The following KMT2C variants were observed in gnomAD, a reference collection of about 807,000 sequenced individuals.
KMT2C encodes histone-lysine N-methyltransferase 2C.
KMT2C carries 88 observed loss-of-function variants against 507.9 expected under a neutral mutation model. The ratio of observed to expected loss-of-function variants is 0.17; its 90% CI spans 0.15 to 0.21. The LOEUF is 0.21. KMT2C is among the 10% of genes least tolerant of loss of function. KMT2C has a pLI of 1.00. For synonymous variants in KMT2C, 2,049 were observed against 2,080.8 expected (o/e 0.98, Z 0.42); for missense variants, 4,954 against 5,957.8 (o/e 0.83, Z 5.55).
intron 42 of KMT2C, 147 bp from the exon 43 acceptor site, chr7:152,163,973 C>T (rs547776556): frequency 1.5e-6 from 1 of 670,180 alleles, no homozygotes; most frequent in East Asian, 2.8e-5. Flanking sequence ...CTGCAAAAGT[C>T]ACAAAAAAAT....
At chr7:152,393,504 G>C (rs928474741) in intron 1 of KMT2C, among the ~76,000 whole-genome samples, 28 of 152,110 alleles carry the variant, frequency 1.8e-4, no homozygotes, top group African/African-American at 6.3e-4. Flanking sequence ...CTCACAACCT[G>C]TTCCTTACAG....
intron 3 of KMT2C, among the ~76,000 whole-genome samples, chr7:152,318,646 AAAT>A (rs1480172222): frequency 9.3e-4 from 140 of 149,780 alleles, no homozygotes; most frequent in African/African-American, 3.2e-3. Context: ...AAAAAAAAAA[AAAT>A]AGGTGCAAAA....
chr7:152,242,803 A>G (rs1456750493), intron 14 of KMT2C, among the ~76,000 whole-genome samples: 4 of 152,186 alleles, frequency 2.6e-5, no homozygotes, highest in Non-Finnish European at 5.9e-5. Flanking sequence ...CAAGAGTACT[A>G]TCAGTTTTAA....
At chr7:152,309,267 A>G (rs2096648194) in intron 6 of KMT2C, among the ~76,000 whole-genome samples, 1 of 151,916 alleles carries the variant, frequency 6.6e-6, no homozygotes, top group South Asian at 2.1e-4. Flanking sequence ...TAAAAGATTC[A>G]AGTTCACTGA....
chr7:152,367,819 G>A, intron 1 of KMT2C: 1 of 924,080 alleles, frequency 1.1e-6, no homozygotes, highest in Non-Finnish European at 1.8e-6. Context: ...CCTAATAGCA[G>A]GGTGCAGTGT....
At chr7:152,189,944 A>G (rs1472895799) in intron 31 of KMT2C, among the ~76,000 whole-genome samples, 1 of 152,230 alleles carries the variant, frequency 6.6e-6, no homozygotes, top group East Asian at 1.9e-4. Flanking sequence ...CCGGCCGCAC[A>G]GTAGGTGAAC....
intron 25 of KMT2C, among the ~76,000 whole-genome samples, chr7:152,204,316 A>G (rs182269357): frequency 1.3e-5 from 2 of 152,180 alleles, no homozygotes; most frequent in South Asian, 2.1e-4. Context: ...TTTTTTTTAG[A>G]TATCAGCTGG....
In KMT2C at chr7:152,162,120, T is replaced by G. The variant is rs200255076; in HGVS notation, c.11457A>C (p.Gly3819=). 6.5e-6 allele frequency: 10 copies of G among 1,546,816 alleles called. 1 individual carries two copies. In the South Asian group the frequency reaches 1.3e-4, roughly 20 times the overall value. Residue 3819 remains glycine, a synonymous_variant, in exon 43 of 59, where the codon GGA becomes GGC. Coordinates refer to ENST00000262189, the MANE Select transcript of KMT2C (RefSeq NM_170606.3). The part of the protein sequence containing the change: ...KLVEKQNPAE[G]LQTLGAQMQG... Reference sequence around the variant, plus strand: ...CGTTTTTATGATTTACACTTACCAGTCCTTCAGCTGGGTTCTGCTTCTCAA... The same window carrying G: ...CGTTTTTATGATTTACACTTACCAGGCCTTCAGCTGGGTTCTGCTTCTCAA...
intron 6 of KMT2C, among the ~76,000 whole-genome samples, chr7:152,283,948 C>CA (rs372819829): frequency 6.7e-6 from 1 of 149,030 alleles, no homozygotes; most frequent in South Asian, 2.1e-4. Flanking sequence ...CTAGTAAACT[C>CA]AAAAAAAGAT....
chr7:152,293,071 C>T (rs928186514), intron 6 of KMT2C, among the ~76,000 whole-genome samples: 16 of 152,054 alleles, frequency 1.1e-4, no homozygotes, highest in African/African-American at 3.1e-4. Flanking sequence ...AATAGAAAGA[C>T]TTAGTATAAA....
In KMT2C at chr7:152,263,176, G is replaced by A. The variant is rs752275998; in HGVS notation, c.1185-46C>T. On this transcript the variant is annotated intron_variant, in intron 8 of 58. Transcript: ENST00000262189. ...AATGATGCCTTATCTTTAAACTTAT[G>A]TTTTGTAACATAAGTAATCATGAAA... 5.3e-6 allele frequency: 8 copies of A among 1,497,418 alleles called. No homozygotes were observed. The East Asian group carries it at 1.4e-4, about 25-fold the overall frequency. The allele number at this position is 1,497,418 out of a possible 1,614,324, so 92.8% of individuals were successfully genotyped here. A position where few individuals can be genotyped will look rare whatever the true frequency, so the allele number is the denominator to read the frequency against.
At chr7:152,228,538 G>A (rs2095004444) in intron 18 of KMT2C, among the ~76,000 whole-genome samples, 1 of 152,110 alleles carries the variant, frequency 6.6e-6, no homozygotes, top group South Asian at 2.1e-4. Context: ...TTAAAAACAG[G>A]AATTCAAATT....
intron 1 of KMT2C, among the ~76,000 whole-genome samples, chr7:152,428,297 A>T (rs957991741): frequency 6.6e-6 from 1 of 151,962 alleles, no homozygotes; most frequent in Admixed American, 6.6e-5. Flanking sequence ...TTAATGAAAA[A>T]CACTTAAAAT....
chr7:152,251,052 A>AG (rs2095555218), intron 11 of KMT2C, 86 bp from the exon 12 acceptor site: 2 of 716,180 alleles, frequency 2.8e-6, no homozygotes, highest in South Asian at 3.3e-5. Context: ...TGTATGAGTA[A>AG]GGGCAAATCA....
intron 1 of KMT2C, among the ~76,000 whole-genome samples, chr7:152,420,845 G>C (rs991565853): frequency 6.6e-6 from 1 of 151,184 alleles, no homozygotes; most frequent in African/African-American, 2.4e-5. Context: ...AAAAAAAAAG[G>C]CCTAATATAC....
chr7:152,337,920 G>A (rs1052782645), intron 2 of KMT2C, among the ~76,000 whole-genome samples: 2 of 151,104 alleles, frequency 1.3e-5, no homozygotes, highest in Admixed American at 6.6e-5. Flanking sequence ...GCAGTGGCGC[G>A]ATCTCAGCTC....
At chr7:152,154,929 CCTA>C (rs2091934653) in intron 46 of KMT2C, 1 of 152,852 alleles carries the variant, frequency 6.5e-6, no homozygotes, top group Non-Finnish European at 1.5e-5. Flanking sequence ...AAACAGCTGT[CCTA>C]CTGCTGCTCT....
chr7:152,366,897 G>A (rs1309578215), intron 1 of KMT2C: 5 of 411,346 alleles, frequency 1.2e-5, no homozygotes, highest in African/African-American at 6.5e-5. Context: ...GACGCGGCGC[G>A]AGCTGGCGCT....
At chr7:152,277,983 G>C (rs2096117701) in intron 6 of KMT2C, among the ~76,000 whole-genome samples, 3 of 152,140 alleles carry the variant, frequency 2.0e-5, no homozygotes, top group Non-Finnish European at 4.4e-5. Flanking sequence ...ATGTGTGTGT[G>C]TGTACACATA....
Sources: allele counts gnomAD v4.1 joint callset (sites outside exome capture counted in the v4.1 genomes callset), GRCh38; gene constraint gnomAD v4.1.1; transcripts MANE v1.5; gene names NCBI Gene and HGNC (gene_info 2026-07-23, HGNC 2026-07-21).